The following EMSY variants were observed in gnomAD, a reference collection of about 807,000 sequenced individuals.
The protein encoded by EMSY is BRCA2-interacting transcriptional repressor EMSY.
A neutral mutation model predicts 134.6 loss-of-function variants in EMSY; 26 were observed. That is an observed-to-expected ratio of 0.19 (90% confidence interval 0.14 to 0.27). The LOEUF (loss-of-function observed/expected upper bound fraction) is 0.27, where lower values mean the gene tolerates loss of function less well. Among genes scored for constraint, EMSY ranks in the 10% least tolerant of loss-of-function variants. The pLI is 1.00. For missense variants in EMSY, 1,305 were observed against 1,611.4 expected (o/e 0.81, Z 3.26); for synonymous variants, 579 against 577.8 (o/e 1.00, Z -0.03).
intron 11 of EMSY, among the ~76,000 whole-genome samples, chr11:76,518,004 A>T (rs1565339194): frequency 6.6e-6 from 1 of 151,990 alleles, no homozygotes; most frequent in African/African-American, 2.4e-5. Context: ...AATATTGTTG[A>T]TCCATGATAC....
intron 8 of EMSY, among the ~76,000 whole-genome samples, chr11:76,487,970 CT>C (rs1460206753): frequency 6.6e-6 from 1 of 152,178 alleles, no homozygotes; most frequent in Non-Finnish European, 1.5e-5. Context: ...TATGCATTAT[CT>C]TTCCCCTTCA....
At chr11:76,482,026 C>A (rs1476082118) in intron 8 of EMSY, among the ~76,000 whole-genome samples, 1 of 152,208 alleles carries the variant, frequency 6.6e-6, no homozygotes, top group Non-Finnish European at 1.5e-5. Flanking sequence ...AGGTGCCCCT[C>A]TGGGACAAAG....
At chr11:76,506,076 G>T (rs1470032918) in intron 9 of EMSY, among the ~76,000 whole-genome samples, 1 of 151,918 alleles carries the variant, frequency 6.6e-6, no homozygotes, top group Non-Finnish European at 1.5e-5. Flanking sequence ...CGGCAGAATT[G>T]CCTGGTGTAC....
exon 7 of EMSY, chr11:76,463,830 G>C: frequency 1.9e-6 from 3 of 1,614,194 alleles, no homozygotes; most frequent in African/African-American, 1.3e-5. Flanking sequence ...GGTGTAAGCT[G>C]TTCAGATGAA....
chr11:76,508,503 G>A (rs141627139), intron 9 of EMSY, among the ~76,000 whole-genome samples: 230 of 152,236 alleles, frequency 1.5e-3, no homozygotes, highest in Non-Finnish European at 2.5e-3. Context: ...AGCATTTTGC[G>A]AATGGTAAAT....
chr11:76,525,766 C>CT (rs1307634682), intron 12 of EMSY, among the ~76,000 whole-genome samples: 4 of 151,968 alleles, frequency 2.6e-5, no homozygotes, highest in Non-Finnish European at 4.4e-5. Context: ...AGGAAGCACT[C>CT]TGAGTTTTCC....
chr11:76,512,896 G>A (rs1389215427), intron 9 of EMSY, among the ~76,000 whole-genome samples: 4 of 152,034 alleles, frequency 2.6e-5, no homozygotes, highest in African/African-American at 9.7e-5. Flanking sequence ...AAAGAAGGCA[G>A]TTAAAAAATT....
intron 11 of EMSY, among the ~76,000 whole-genome samples, chr11:76,519,094 C>T (rs964781058): frequency 1.3e-5 from 2 of 148,938 alleles, no homozygotes; most frequent in African/African-American, 4.9e-5. Context: ...AGACAGACTC[C>T]TGCTGTGTCA....
intron 1 of EMSY, among the ~76,000 whole-genome samples, chr11:76,445,549 G>A (rs1273486907): frequency 6.6e-6 from 1 of 152,094 alleles, no homozygotes; most frequent in Non-Finnish European, 1.5e-5. Context: ...TTGTGGTGCT[G>A]CTAGGGAGTG....
chr11:76,471,395 C>A (rs2135334848), intron 7 of EMSY, among the ~76,000 whole-genome samples: 1 of 152,162 alleles, frequency 6.6e-6, no homozygotes, highest in East Asian at 1.9e-4. Flanking sequence ...ATTGTTATAG[C>A]TAATAAAGAC....
chr11:76,530,342 G>A (rs1277935098), intron 14 of EMSY, among the ~76,000 whole-genome samples: 2 of 151,868 alleles, frequency 1.3e-5, no homozygotes, highest in African/African-American at 4.8e-5. Context: ...TGTATTTTTA[G>A]TAGCGACGGG....
downstream of EMSY, chr11:76,551,793 T>C (rs1951843228): frequency 6.6e-6 from 1 of 152,198 alleles, no homozygotes; most frequent in African/African-American, 2.4e-5. Flanking sequence ...GTTAAATACA[T>C]GTTAGACTTT....
In EMSY at chr11:76,509,233, A is replaced by G. The variant is rs114945077; in HGVS notation, c.1364-4153A>G. Among the ~76,000 whole-genome samples, 595 of 152,226 alleles carry G rather than the reference A, an allele frequency of 3.9e-3. 5 individuals are homozygous for G. Among genetic ancestry groups the G allele is most frequent in the African/African-American group, 0.013 (559 of 41,562 alleles). Reference sequence around the variant, plus strand: ...CGACGTGGGGTTGCCAGAACCTTCAATTTGTAAAAAACACTTTGGGAGGCC... The same window carrying G: ...CGACGTGGGGTTGCCAGAACCTTCAGTTTGTAAAAAACACTTTGGGAGGCC... On this transcript the variant is annotated intron_variant, in intron 9 of 20. Coordinates refer to ENST00000334736, the Ensembl canonical transcript of EMSY.
At chr11:76,505,843 C>T (rs1216983478) in intron 9 of EMSY, among the ~76,000 whole-genome samples, 6 of 150,334 alleles carry the variant, frequency 4.0e-5, no homozygotes, top group Non-Finnish European at 5.9e-5. Context: ...GGCAACAGAG[C>T]GAGACTCTGT....
chr11:76,502,044 G>GAAAAA (rs57263473), intron 9 of EMSY, among the ~76,000 whole-genome samples: 4 of 93,094 alleles, frequency 4.3e-5, no homozygotes, highest in African/African-American at 1.6e-4. Flanking sequence ...CATTTGAAAT[G>GAAAAA]AAAAAAAAAA....
chr11:76,506,930 G>A (rs1336363029), intron 9 of EMSY, among the ~76,000 whole-genome samples: 1 of 152,078 alleles, frequency 6.6e-6, no homozygotes, highest in Non-Finnish European at 1.5e-5. Flanking sequence ...AGAAAGACTG[G>A]AAACAACCTT....
At chr11:76,465,514 A>C (rs1299833903) in intron 7 of EMSY, among the ~76,000 whole-genome samples, 2 of 150,766 alleles carry the variant, frequency 1.3e-5, no homozygotes, top group African/African-American at 4.9e-5. Context: ...TTATCATTTA[A>C]TTTTATTTTT....
chr11:76,445,998 G>A (rs538989238), intron 1 of EMSY, among the ~76,000 whole-genome samples: 2 of 152,254 alleles, frequency 1.3e-5, no homozygotes, highest in East Asian at 3.9e-4. Flanking sequence ...CCTGGAACGG[G>A]ATATAGCAGT....
At chr11:76,497,959 C>T (rs541221251) in intron 9 of EMSY, among the ~76,000 whole-genome samples, 6 of 152,276 alleles carry the variant, frequency 3.9e-5, no homozygotes, top group Admixed American at 6.5e-5. Flanking sequence ...TTAGTTCCAT[C>T]TATGTAAAGA....
Sources: gnomAD v4.1 joint callset for allele counts (sites outside exome capture counted in the v4.1 genomes callset) on GRCh38, gnomAD v4.1.1 for gene constraint, MANE v1.5 for transcripts, NCBI Gene and HGNC (gene_info 2026-07-23, HGNC 2026-07-21) for gene names.